CKAP2L: variants seen among roughly 807,000 people sequenced by gnomAD.
CKAP2L encodes cytoskeleton-associated protein 2-like.
A neutral mutation model predicts 65.7 loss-of-function variants in CKAP2L; 42 were observed. That is an observed-to-expected ratio of 0.64 (90% CI 0.50 to 0.83). The LOEUF (loss-of-function observed/expected upper bound fraction) is 0.83. Among genes scored for constraint, CKAP2L ranks in the 40% least tolerant of loss-of-function variants. CKAP2L has a pLI of 0.00. For missense variants in CKAP2L, 908 were observed against 871.0 expected (o/e 1.04, Z -0.53); for synonymous variants, 325 against 313.5 (o/e 1.04, Z -0.39).
intron 5 of CKAP2L, among the ~76,000 whole-genome samples, chr2:112,748,664 C>A (rs1012595444): frequency 1.3e-5 from 2 of 152,062 alleles, no homozygotes; most frequent in Non-Finnish European, 2.9e-5. Context: ...AGTTTGAGAC[C>A]AGCCTGGGCA....
rs1052418820 is a variant in CKAP2L at position 112,746,325 on chromosome 2, T to G, written c.1758+95A>C. ...TGACTTTATAAGTGTTGGATATTGATGTTGCAAACTTCTAACCATCATATT... is the reference window on the plus strand; with the variant it reads ...TGACTTTATAAGTGTTGGATATTGAGGTTGCAAACTTCTAACCATCATATT... On this transcript the variant is annotated intron_variant, in intron 6 of 8. Transcript: ENST00000302450. 2.1e-5 allele frequency: 21 copies of G among 978,938 alleles called. No individual in the cohort carries two copies. In the African/African-American group the frequency reaches 3.4e-4, roughly 16 times the overall value. The allele number at this position is 978,938 out of a possible 1,614,324, so 60.6% of individuals were successfully genotyped here.
chr2:112,753,526 CTTTTTTTTTTTTT>C (rs59027525), intron 4 of CKAP2L, among the ~76,000 whole-genome samples: 2,406 of 100,446 alleles, frequency 0.024, 94 homozygotes, highest in African/African-American at 0.081. Context: ...AGTTTCTTTT[CTTTTTTTTTTTTT>C]TTTTTTTTGA....
chr2:112,750,783 C>T (rs6714649), intron 5 of CKAP2L, among the ~76,000 whole-genome samples: 2,174 of 144,058 alleles, frequency 0.015, 46 homozygotes, highest in African/African-American at 0.053. Context: ...TAGCACTGAA[C>T]ATATTTATAA....
chr2:112,747,032 G>A (rs1333500582), intron 5 of CKAP2L, among the ~76,000 whole-genome samples: 3 of 151,664 alleles, frequency 2.0e-5, no homozygotes, highest in Non-Finnish European at 2.9e-5. Context: ...CTCGTGATCC[G>A]CCCACCTCAG....
intron 5 of CKAP2L, among the ~76,000 whole-genome samples, chr2:112,750,669 C>A (rs1031889113): frequency 6.6e-6 from 1 of 152,056 alleles, no homozygotes; most frequent in Non-Finnish European, 1.5e-5. Flanking sequence ...CAATTACATT[C>A]TTTCTGTGGT....
In CKAP2L at chr2:112,737,982, A is replaced by C. The variant is rs1006232280; in HGVS notation, c.*841T>G. 6.6e-6 allele frequency: 1 copy of C among 152,230 alleles called. No homozygotes were observed. Among genetic ancestry groups the C allele is most frequent in the Non-Finnish European group, 1.5e-5 (1 of 68,042 alleles). 9.4% of individuals were successfully genotyped at this position (152,230 alleles called of 1,614,324 possible). ...CACAATTATATTTACATAATGACTA[A>C]GGTAAAACCTTTCCACAAATAGTTG... On this transcript the variant is annotated 3_prime_UTR_variant, in exon 9 of 9. Coordinates refer to ENST00000302450, the MANE Select transcript of CKAP2L (RefSeq NM_152515.5).
In CKAP2L at chr2:112,736,685, T is replaced by C. The variant is rs1348338383; in HGVS notation, c.*2138A>G. On this transcript the variant is annotated 3_prime_UTR_variant, in exon 9 of 9. Coordinates refer to ENST00000302450, the MANE Select transcript of CKAP2L (RefSeq NM_152515.5). ...ATTAAATATTCCATATGTGAGATCA[T>C]GCAGTATTTTTCCTTGGGTCTGGCT... 1 of 152,236 alleles carries C rather than the reference T, an allele frequency of 6.6e-6. No individual in the cohort carries two copies. The highest frequency in any genetic ancestry group is 2.4e-5 in the African/African-American group (1 of 41,458). 9.4% of individuals were successfully genotyped at this position (152,236 alleles called of 1,614,324 possible).
At chr2:112,746,106 A>T (rs2104867714) in intron 6 of CKAP2L, among the ~76,000 whole-genome samples, 1 of 152,366 alleles carries the variant, frequency 6.6e-6, no homozygotes, top group South Asian at 2.1e-4. Flanking sequence ...AATACAGAAC[A>T]TGACATGGAA....
At position 112,756,411 on chromosome 2, in the gene CKAP2L, T is replaced by G; in HGVS notation, c.960A>C (p.Ser320=). 1 of 1,614,120 alleles carries G rather than the reference T, an allele frequency of 6.2e-7. No individual in the cohort carries two copies. The highest frequency in any genetic ancestry group is 8.5e-7 in the Non-Finnish European group (1 of 1,179,996). ...TCACTCTCTGTTCAGTAACAGGGTA[T>G]GACCGTATCTTAGTTTCATTTGGTC... The part of the protein sequence containing the change: ...YERPNETKIR[S]YPVTEQRVKH... The change falls in exon 4 of 9, where the codon TCA becomes TCC. Residue 320 remains serine, a synonymous_variant. Transcript: ENST00000302450.
intron 3 of CKAP2L, among the ~76,000 whole-genome samples, chr2:112,758,510 G>GGT (rs1485836854): frequency 6.6e-6 from 1 of 152,140 alleles, no homozygotes; most frequent in Non-Finnish European, 1.5e-5. Context: ...GGATGATAGC[G>GGT]GTGTGTGTGG....
chr2:112,761,353 C>T (rs563733068), intron 2 of CKAP2L, among the ~76,000 whole-genome samples: 1 of 149,034 alleles, frequency 6.7e-6, no homozygotes, highest in South Asian at 2.1e-4. Context: ...CCCAGCTACT[C>T]GGGAGGCTGA....
intron 4 of CKAP2L, among the ~76,000 whole-genome samples, chr2:112,754,943 T>C (rs1179042266): frequency 6.6e-6 from 1 of 152,224 alleles, no homozygotes; most frequent in Non-Finnish European, 1.5e-5. Flanking sequence ...TCCTTTTATC[T>C]AAAGCAGCCA....
At position 112,740,860 on chromosome 2, in the gene CKAP2L, T is replaced by C; in HGVS notation, c.1970A>G (p.His657Arg). ...ATPRIAKAEQ[H>R]NYPGIKLQIG... ...CTGTAATTTGATACCAGGATAATTA[T>C]GCTGTTCTGCCTTGGCTATTCGGGG... Residue 657 changes from histidine to arginine, a missense_variant, in exon 8 of 9, where the codon CAT becomes CGT. Transcript: ENST00000302450. The C allele has an allele frequency of 3.7e-6, 6 of 1,613,820 alleles. No homozygotes were observed. The highest frequency in any genetic ancestry group is 4.5e-5 in the East Asian group (2 of 44,888).
chr2:112,757,846 A>C (rs1021978193), intron 3 of CKAP2L, among the ~76,000 whole-genome samples: 2 of 152,202 alleles, frequency 1.3e-5, no homozygotes, highest in Non-Finnish European at 2.9e-5. Context: ...TTATATCCTA[A>C]GTGCCCTCCA....
chr2:112,759,639 A>G (rs189933708), intron 3 of CKAP2L, among the ~76,000 whole-genome samples: 68 of 152,324 alleles, frequency 4.5e-4, no homozygotes, highest in Non-Finnish European at 8.7e-4. Context: ...CAATCTGCAT[A>G]AAGTAAAAGT....
chr2:112,758,526 C>T (rs114105868), intron 3 of CKAP2L, among the ~76,000 whole-genome samples: 343 of 152,202 alleles, frequency 2.3e-3, no homozygotes, highest in African/African-American at 7.9e-3. Flanking sequence ...TGTGGTGTTA[C>T]TAGGAGTGAA....
At position 112,742,702 on chromosome 2, in the gene CKAP2L, G is replaced by C; in HGVS notation, c.1822+4C>G. ...GATGAATTTAAATTCAAAAATAATA[G>C]TACCTTCTGTGGTTCTGTTTGAGTC... On this transcript the variant is annotated splice_donor_region_variant and intron_variant, in intron 7 of 8. Coordinates refer to ENST00000302450, the MANE Select transcript of CKAP2L (RefSeq NM_152515.5). The C allele has an allele frequency of 6.4e-7, 1 of 1,570,716 alleles. No homozygotes were observed. The highest frequency in any genetic ancestry group is 1.1e-5 in the South Asian group (1 of 88,332).
intron 6 of CKAP2L, among the ~76,000 whole-genome samples, chr2:112,743,037 T>C (rs1680070895): frequency 6.6e-6 from 1 of 152,234 alleles, no homozygotes; most frequent in African/African-American, 2.4e-5. Context: ...TACATCAAAT[T>C]CTATTTTCCT....
rs1680301628 is a variant in CKAP2L at position 112,749,498 on chromosome 2, C to T, written c.1602+2769G>A. 2.6e-5 allele frequency among the ~76,000 whole-genome samples: 4 copies of T among 151,740 alleles called. 1 individual carries two copies. Among genetic ancestry groups the T allele is most frequent in the Admixed American group, 2.6e-4 (4 of 15,254 alleles). On this transcript the variant is annotated intron_variant, in intron 5 of 8. Transcript: ENST00000302450. ...TTTCAAACACTTTTGGAACATTTAC[C>T]AAGAATGATCAGATATTAAGGCCAC... is the stretch of plus-strand genomic sequence containing the variant.
Sources: allele counts gnomAD v4.1 joint callset (sites outside exome capture counted in the v4.1 genomes callset), GRCh38; gene constraint gnomAD v4.1.1; transcripts MANE v1.5; gene names NCBI Gene and HGNC (gene_info 2026-07-23, HGNC 2026-07-21).